Variants in ZBTB16 observed in about 807,000 individuals in gnomAD.
ZBTB16 encodes zinc finger and BTB domain-containing protein 16.
In ZBTB16, 8 loss-of-function variants were observed where a neutral mutation model predicts 56.8. The ratio of observed to expected loss-of-function variants is 0.14; its 90% CI spans 0.08 to 0.25. The LOEUF is 0.25. Among genes scored for constraint, ZBTB16 ranks in the 10% least tolerant of loss-of-function variants. ZBTB16 has a pLI of 1.00. For missense variants in ZBTB16, 625 were observed against 903.0 expected (o/e 0.69, Z 3.95); for synonymous variants, 363 against 368.5 (o/e 0.98, Z 0.17).
In ZBTB16 at chr11:114,242,336, A is replaced by G; in HGVS notation, c.1623A>G (p.Thr541=). 6.2e-7 allele frequency: 1 copy of G among 1,613,282 alleles called. No homozygotes were observed. The highest frequency in any genetic ancestry group is 8.5e-7 in the Non-Finnish European group (1 of 1,180,024). Residue 541 remains threonine (T), a splice_region_variant and synonymous_variant, in exon 5 of 7, where the codon ACA becomes ACG. Coordinates refer to ENST00000335953, the MANE Select transcript of ZBTB16 (RefSeq NM_006006.6). The stretch of plus-strand genomic sequence containing the variant: ...TCAAACGCCACCTGCGCTCACATAC[A>G]GGTAGGTCAGTCCAGCTGATGGGTG... ...TALKRHLRSH[T]GDHPYECEFC...
intron 2 of ZBTB16, among the ~76,000 whole-genome samples, chr11:114,089,518 T>A (rs1940103890): frequency 6.6e-6 from 1 of 152,094 alleles, no homozygotes; most frequent in African/African-American, 2.4e-5. Context: ...TCCACGATGT[T>A]TAATAGGTTG....
intron 2 of ZBTB16, among the ~76,000 whole-genome samples, chr11:114,142,767 G>T (rs1941989265): frequency 6.6e-6 from 1 of 150,972 alleles, no homozygotes; most frequent in East Asian, 1.9e-4. Flanking sequence ...TGGGGAGGGG[G>T]AGCTGGGGGG....
intron 4 of ZBTB16, among the ~76,000 whole-genome samples, chr11:114,225,772 A>G (rs1158469445): frequency 6.6e-6 from 1 of 152,158 alleles, no homozygotes; most frequent in African/African-American, 2.4e-5. Flanking sequence ...ACTGATTTAA[A>G]TATCTGTACC....
At chr11:114,148,424 C>T (rs12797983) in intron 2 of ZBTB16, among the ~76,000 whole-genome samples, 7,511 of 23,750 alleles carry the variant, frequency 0.32, 1,817 homozygotes, top group Middle Eastern at 0.61. Context: ...TCCCTCCCTC[C>T]CTCTCTCTCT....
chr11:114,142,910 T>C (rs1204739082), intron 2 of ZBTB16, among the ~76,000 whole-genome samples: 3 of 152,120 alleles, frequency 2.0e-5, no homozygotes, highest in Non-Finnish European at 2.9e-5. Context: ...AAATGAAAGC[T>C]CATTAAATAA....
chr11:114,085,918 T>C (rs949121688), intron 2 of ZBTB16, among the ~76,000 whole-genome samples: 2 of 152,146 alleles, frequency 1.3e-5, no homozygotes, highest in Non-Finnish European at 2.9e-5. Context: ...TGCGATATTA[T>C]TGGAAGACAA....
At chr11:114,120,920 C>T (rs1941323601) in intron 2 of ZBTB16, among the ~76,000 whole-genome samples, 1 of 152,152 alleles carries the variant, frequency 6.6e-6, no homozygotes, top group Admixed American at 6.6e-5. Context: ...CCTGGGAAGC[C>T]ATACAGCCTT....
chr11:114,156,215 C>T, intron 2 of ZBTB16, 122 bp from the exon 3 acceptor site: 1 of 900,170 alleles, frequency 1.1e-6, no homozygotes. Context: ...CCATCGGTGC[C>T]CTCCTGTTCC....
intron 2 of ZBTB16, among the ~76,000 whole-genome samples, chr11:114,101,873 A>G (rs768970899): frequency 1.4e-4 from 22 of 152,266 alleles, no homozygotes; most frequent in Non-Finnish European, 2.8e-4. Context: ...TCATTTTTGT[A>G]TGTGTTACAG....
chr11:114,216,525 C>A (rs930591554), intron 4 of ZBTB16, among the ~76,000 whole-genome samples: 1 of 152,168 alleles, frequency 6.6e-6, no homozygotes, highest in South Asian at 2.1e-4. Flanking sequence ...ACACTGGTAA[C>A]CTTTTGTGGG....
chr11:114,109,859 G>A (rs1432176802), intron 2 of ZBTB16, among the ~76,000 whole-genome samples: 1 of 152,156 alleles, frequency 6.6e-6, no homozygotes, highest in East Asian at 1.9e-4. Context: ...TGAGGGAAAG[G>A]AAGGAAATCA....
intron 2 of ZBTB16, among the ~76,000 whole-genome samples, chr11:114,144,249 C>A (rs1046645985): frequency 3.3e-5 from 5 of 151,728 alleles, no homozygotes; most frequent in African/African-American, 1.2e-4. Flanking sequence ...CAATTGTAAA[C>A]CTCGTCCGTG....
intron 5 of ZBTB16, among the ~76,000 whole-genome samples, chr11:114,244,567 G>T (rs141058487): frequency 4.6e-5 from 7 of 152,104 alleles, no homozygotes; most frequent in Non-Finnish European, 8.8e-5. Flanking sequence ...AAGATTTCAC[G>T]CCAGGTGCAC....
chr11:114,249,974 A>G (rs1011152526), intron 6 of ZBTB16, among the ~76,000 whole-genome samples: 1 of 151,960 alleles, frequency 6.6e-6, no homozygotes. Flanking sequence ...CTCTTTCTAG[A>G]CACCCATTTT....
Position 114,169,095 on chromosome 11 carries a change from G to T in ZBTB16, c.1366+12661G>T, listed in dbSNP as rs563432907. 2.0e-5 allele frequency among the ~76,000 whole-genome samples: 3 copies of T among 152,224 alleles called. No homozygotes were observed. The East Asian group carries it at 5.8e-4, about 30-fold the overall frequency. ...TGCACTATCCTGCCAAGTAGGAGGG[G>T]TAGGAGGAGAGAGCTGCCTGTGGTC... On this transcript the variant is annotated intron_variant, in intron 3 of 6. Transcript: ENST00000335953.
In ZBTB16 at chr11:114,251,731, G is replaced by A. The variant is rs919349807; in HGVS notation, c.*1176G>A. ...GAATTCCTGACTCACAGCGCCCCTC[G>A]GTCCACAGTGGAGAGGAGGAGGAGG... On this transcript the variant is annotated 3_prime_UTR_variant, in exon 7 of 7. Transcript: ENST00000335953. 1.3e-5 allele frequency among the ~76,000 whole-genome samples: 2 copies of A among 152,148 alleles called. No homozygotes were observed. The highest frequency in any genetic ancestry group is 6.5e-5 in the Admixed American group (1 of 15,278).
chr11:114,063,414 C>T lies in ZBTB16; in HGVS notation c.114C>T (p.Ile38=). 6.2e-7 allele frequency: 1 copy of T among 1,614,196 alleles called. No homozygotes were observed. Residue 38 remains isoleucine, a synonymous_variant, in exon 2 of 7, where the codon ATC becomes ATT. Transcript: ENST00000335953. This position sits in a 1 kb window ranked among gnomAD's most constrained non-coding sequence, Gnocchi z 6.5. ...CCGGGACTTTGTGCGATGTGGTCAT[C>T]ATGGTGGACAGCCAGGAGTTCCACG... ...RLAGTLCDVV[I]MVDSQEFHAH... is the part of the protein sequence containing the mutation.
intron 2 of ZBTB16, among the ~76,000 whole-genome samples, chr11:114,152,177 G>T (rs1796095338): frequency 6.6e-6 from 1 of 152,188 alleles, no homozygotes; most frequent in Non-Finnish European, 1.5e-5. Context: ...GATTTCTCCA[G>T]CATCCTTGAT....
intron 3 of ZBTB16, among the ~76,000 whole-genome samples, chr11:114,174,610 T>A (rs954210898): frequency 6.6e-6 from 1 of 152,228 alleles, no homozygotes; most frequent in South Asian, 2.1e-4. Context: ...TGTGTATGTG[T>A]GTATTTTGTT....
Sources: gnomAD v4.1 joint callset for allele counts (sites outside exome capture counted in the v4.1 genomes callset) on GRCh38, gnomAD v4.1.1 for gene constraint, Gnocchi (gnomAD v3.1) non-coding constraint, MANE v1.5 for transcripts, NCBI Gene and HGNC (gene_info 2026-07-23, HGNC 2026-07-21) for gene names.